DISC1: variants seen among roughly 807,000 people sequenced by gnomAD.
DISC1 encodes the protein DISC1 scaffold protein.
In DISC1, 57 loss-of-function variants were observed where a neutral mutation model predicts 84.5. That is an observed-to-expected ratio of 0.67 (90% CI 0.55 to 0.84). DISC1 has a LOEUF of 0.84. Ranked by LOEUF, DISC1 falls within the 40% of genes least tolerant of loss-of-function variation. The probability of loss-of-function intolerance (pLI) is 0.00; values close to 1 mark genes in which losing one functional copy is unlikely to be tolerated. For missense variants in DISC1, 1,000 were observed against 1,057.8 expected, an observed-to-expected ratio of 0.95 and a Z score of 0.76; for synonymous variants, 411 against 415.2, an observed-to-expected ratio of 0.99 and a Z score of 0.12.
chr1:231,651,628 G>C (rs1010965968), intron 1 of DISC1, among the ~76,000 whole-genome samples: 1 of 152,242 alleles, frequency 6.6e-6, no homozygotes, highest in African/African-American at 2.4e-5. Flanking sequence ...AGAGCTGTCA[G>C]ATAGGGACGT....
intron 9 of DISC1, among the ~76,000 whole-genome samples, chr1:231,945,534 A>G (rs1657001620): frequency 6.6e-6 from 1 of 152,236 alleles, no homozygotes; most frequent in Non-Finnish European, 1.5e-5. Flanking sequence ...TTGACACCCT[A>G]GCATCAAAAT....
At chr1:232,019,731 T>C (rs1025454726) in intron 11 of DISC1, among the ~76,000 whole-genome samples, 1 of 152,172 alleles carries the variant, frequency 6.6e-6, no homozygotes, top group Admixed American at 6.5e-5. Flanking sequence ...ATGTTCTTAT[T>C]TGGAAAGGAG....
At chr1:231,711,364 T>C (rs1038939549) in intron 3 of DISC1, among the ~76,000 whole-genome samples, 2 of 147,428 alleles carry the variant, frequency 1.4e-5, no homozygotes, top group African/African-American at 5.0e-5. Flanking sequence ...TTTCTTTTTT[T>C]TTTTTTTTTT....
chr1:231,910,057 T>G (rs997370250), intron 9 of DISC1, among the ~76,000 whole-genome samples: 4 of 152,202 alleles, frequency 2.6e-5, no homozygotes, highest in Non-Finnish European at 5.9e-5. Context: ...CCTATTTGAT[T>G]CTTCTCTCTT....
At chr1:231,801,824 T>C (rs1219914416) in intron 8 of DISC1, among the ~76,000 whole-genome samples, 26 of 151,442 alleles carry the variant, frequency 1.7e-4, no homozygotes, top group Admixed American at 1.7e-3. Flanking sequence ...GATCTTGGTT[T>C]TTTTTTTTTT....
chr1:231,776,391 A>AT (rs757670526), intron 6 of DISC1, among the ~76,000 whole-genome samples: 66 of 152,278 alleles, frequency 4.3e-4, no homozygotes, highest in Admixed American at 1.4e-3. Context: ...CTTGTTGTGC[A>AT]TTTGGAAGAA....
At position 231,764,004 on chromosome 1, in the gene DISC1, C is replaced by T. The variant is rs117840617; in HGVS notation, c.1269-3136C>T. ...TTTTCTAAGAAATGCGGAGGCAGTG[C>T]GACCCTGTGTTAATATATAAATAAG... is the stretch of plus-strand genomic sequence containing the variant. On this transcript the variant is annotated intron_variant, in intron 4 of 12. Transcript: ENST00000439617. Among the ~76,000 whole-genome samples the T allele has an allele frequency of 6.5e-4, 99 of 152,290 alleles. No individual in the cohort carries two copies. The East Asian group carries it at 0.016, about 25-fold the overall frequency.
chr1:231,719,487 G>T (rs1320213006), intron 3 of DISC1, among the ~76,000 whole-genome samples: 1 of 152,162 alleles, frequency 6.6e-6, no homozygotes, highest in Non-Finnish European at 1.5e-5. Flanking sequence ...TGACTGCAAA[G>T]TTCAATTCTG....
chr1:231,963,667 T>A (rs942577823), intron 10 of DISC1, among the ~76,000 whole-genome samples: 4 of 152,180 alleles, frequency 2.6e-5, no homozygotes, highest in Admixed American at 1.3e-4. Context: ...TTGACAGGTA[T>A]TATAATGTAG....
intron 9 of DISC1, among the ~76,000 whole-genome samples, chr1:231,957,538 T>C (rs566829400): frequency 2.6e-5 from 4 of 152,302 alleles, no homozygotes; most frequent in African/African-American, 9.6e-5. Flanking sequence ...GAACAGTGTG[T>C]GGCACATAAA....
chr1:231,980,118 C>T (rs1663381340), intron 10 of DISC1, among the ~76,000 whole-genome samples: 2 of 152,194 alleles, frequency 1.3e-5, no homozygotes, highest in Non-Finnish European at 2.9e-5. Flanking sequence ...ATTCTCTCTT[C>T]TACCTTCCAT....
chr1:231,716,316 CAAAAAAAAA>C (rs397861600), intron 3 of DISC1, among the ~76,000 whole-genome samples: 12 of 82,748 alleles, frequency 1.5e-4, no homozygotes, highest in East Asian at 3.4e-4. Flanking sequence ...TTTCAATCTG[CAAAAAAAAA>C]AAAAAAAAAA....
At chr1:231,938,587 C>T (rs1183139623) in intron 9 of DISC1, among the ~76,000 whole-genome samples, 6 of 152,196 alleles carry the variant, frequency 3.9e-5, no homozygotes, top group Admixed American at 3.9e-4. Context: ...TGGTTTCAAC[C>T]TGTGAGACTG....
chr1:231,888,714 G>C (rs1429936897), intron 9 of DISC1, among the ~76,000 whole-genome samples: 1 of 143,926 alleles, frequency 6.9e-6, no homozygotes, highest in Non-Finnish European at 1.5e-5. Context: ...GTCCAGCCTG[G>C]GCGACAGAGT....
At chr1:231,945,029 A>C (rs1656872780) in intron 9 of DISC1, 1 of 152,190 alleles carries the variant, frequency 6.6e-6, no homozygotes, top group South Asian at 2.1e-4. Flanking sequence ...TATTAGAAAG[A>C]TCAACGAGAC....
At chr1:231,701,265 C>A (rs1350645290) in intron 2 of DISC1, among the ~76,000 whole-genome samples, 1 of 152,104 alleles carries the variant, frequency 6.6e-6, no homozygotes, top group Non-Finnish European at 1.5e-5. Context: ...AAGACCCACC[C>A]CCATGATTCA....
At chr1:231,768,679 G>T (rs2076335699) in intron 5 of DISC1, among the ~76,000 whole-genome samples, 1 of 152,180 alleles carries the variant, frequency 6.6e-6, no homozygotes, top group South Asian at 2.1e-4. Context: ...GATACTGTTT[G>T]AAGTGCTTGA....
chr1:231,632,284 G>A (rs2058777645), intron 1 of DISC1, among the ~76,000 whole-genome samples: 1 of 152,184 alleles, frequency 6.6e-6, no homozygotes, highest in African/African-American at 2.4e-5. Context: ...ATTGAAATAA[G>A]TAGCCCCACA....
chr1:231,958,693 T>C (rs1022124861), intron 9 of DISC1, 135 bp from the exon 10 acceptor site: 2 of 895,460 alleles, frequency 2.2e-6, no homozygotes, highest in Admixed American at 2.4e-5. Flanking sequence ...TGGATTTGAG[T>C]GTTTTCCAAA....
Sources: gnomAD v4.1 joint callset for allele counts (sites outside exome capture counted in the v4.1 genomes callset) on GRCh38, gnomAD v4.1.1 for gene constraint, MANE v1.5 for transcripts, NCBI Gene and HGNC (gene_info 2026-07-23, HGNC 2026-07-21) for gene names.